The following FRMD5 variants were observed in gnomAD, a reference collection of about 807,000 sequenced individuals.
The protein encoded by FRMD5 is FERM domain-containing protein 5.
FRMD5 carries 20 observed loss-of-function variants against 69.0 expected under a neutral mutation model. That is an observed-to-expected ratio of 0.29 (90% confidence interval 0.20 to 0.42). FRMD5 has a LOEUF of 0.42. Ranked by LOEUF, FRMD5 falls within the 10% of genes least tolerant of loss-of-function variation. The probability of loss-of-function intolerance (pLI) is 1.00; values close to 1 mark genes in which losing one functional copy is unlikely to be tolerated. For synonymous variants in FRMD5, 271 were observed against 260.1 expected (o/e 1.04, Z -0.40); for missense variants, 595 against 708.6 (o/e 0.84, Z 1.82).
intron 1 of FRMD5, among the ~76,000 whole-genome samples, chr15:44,133,493 A>G (rs1247252432): frequency 6.9e-6 from 1 of 145,592 alleles, no homozygotes; most frequent in Non-Finnish European, 1.5e-5. Context: ...GGAGAATGGC[A>G]TGAACCTGGG....
At chr15:43,909,676 C>T (rs997075027) in intron 5 of FRMD5, among the ~76,000 whole-genome samples, 25 of 152,062 alleles carry the variant, frequency 1.6e-4, no homozygotes, top group African/African-American at 2.9e-4. Flanking sequence ...GACGGGGTTT[C>T]ACCATGTTGG....
intron 1 of FRMD5, among the ~76,000 whole-genome samples, chr15:44,011,124 G>A (rs1258717750): frequency 6.6e-6 from 1 of 151,780 alleles, no homozygotes; most frequent in Non-Finnish European, 1.5e-5. Context: ...AGGAAAGAAG[G>A]TTAGGGCCTT....
chr15:43,974,992 G>C (rs1056996185), intron 1 of FRMD5, among the ~76,000 whole-genome samples: 18 of 152,234 alleles, frequency 1.2e-4, no homozygotes. Flanking sequence ...GGCTACCTAA[G>C]CTCTGCCCAG....
intron 1 of FRMD5, among the ~76,000 whole-genome samples, chr15:44,033,257 G>C (rs1038295987): frequency 6.6e-6 from 1 of 152,092 alleles, no homozygotes; most frequent in Non-Finnish European, 1.5e-5. Flanking sequence ...AGGATGCGAG[G>C]AGAGAAAGGA....
Position 43,873,347 on chromosome 15 carries a change from A to G in FRMD5, c.*538T>C. On this transcript the variant is annotated 3_prime_UTR_variant, in exon 14 of 14. Coordinates refer to ENST00000417257, the MANE Select transcript of FRMD5 (RefSeq NM_032892.5). Reference sequence around the variant, plus strand: ...TTAAAAGTTCTGGCTGGCAAAAAAAACAAACAAAAAACTAAACAGTCCCCA... The same window carrying G: ...TTAAAAGTTCTGGCTGGCAAAAAAAGCAAACAAAAAACTAAACAGTCCCCA... 1 of 1,463,760 alleles carries G rather than the reference A, an allele frequency of 6.8e-7. No individual in the cohort carries two copies. Among genetic ancestry groups the G allele is most frequent in the Non-Finnish European group, 9.0e-7 (1 of 1,109,818 alleles). The allele number at this position is 1,463,760 out of a possible 1,614,324, so 90.7% of individuals were successfully genotyped here.
chr15:43,994,394 T>G (rs1253969065), intron 1 of FRMD5, among the ~76,000 whole-genome samples: 1 of 152,178 alleles, frequency 6.6e-6, no homozygotes, highest in African/African-American at 2.4e-5. Context: ...ACTATCAACA[T>G]TTACATCTTT....
chr15:44,094,617 T>C, intron 1 of FRMD5, among the ~76,000 whole-genome samples: 1 of 152,214 alleles, frequency 6.6e-6, no homozygotes, highest in Non-Finnish European at 1.5e-5. Flanking sequence ...TTATTTAACA[T>C]TTTCTTTTGA....
chr15:44,146,461 G>A (rs774964198), intron 1 of FRMD5, among the ~76,000 whole-genome samples: 3 of 152,098 alleles, frequency 2.0e-5, no homozygotes, highest in Admixed American at 6.5e-5. Context: ...GAACATACAT[G>A]TGCATGTATC....
At chr15:44,060,639 C>T (rs941403516) in intron 1 of FRMD5, among the ~76,000 whole-genome samples, 3 of 152,096 alleles carry the variant, frequency 2.0e-5, no homozygotes, top group African/African-American at 7.2e-5. Flanking sequence ...ATGGCTTAGG[C>T]ACTGATGACC....
chr15:43,874,591 CTA>C, intron 13 of FRMD5, 129 bp from the exon 14 acceptor site: 1 of 677,384 alleles, frequency 1.5e-6, no homozygotes, highest in Non-Finnish European at 2.6e-6. Flanking sequence ...CCACTGCACT[CTA>C]TTTTGATATA....
chr15:43,966,968 C>T (rs2090304237), intron 1 of FRMD5, among the ~76,000 whole-genome samples: 1 of 152,008 alleles, frequency 6.6e-6, no homozygotes, highest in Non-Finnish European at 1.5e-5. Context: ...AACAGAGAAA[C>T]AGAAGCAGAG....
At chr15:44,172,219 T>C (rs2077816958) in intron 1 of FRMD5, among the ~76,000 whole-genome samples, 1 of 151,478 alleles carries the variant, frequency 6.6e-6, no homozygotes, top group African/African-American at 2.4e-5. Flanking sequence ...GCCTCCTGAG[T>C]AGCTGGGACC....
At chr15:43,930,880 G>C (rs1406228173) in intron 1 of FRMD5, among the ~76,000 whole-genome samples, 2 of 152,202 alleles carry the variant, frequency 1.3e-5, no homozygotes, top group African/African-American at 2.4e-5. Context: ...TCATGGGAGG[G>C]AGGACTAAGT....
chr15:43,958,002 T>A (rs1453736027), intron 1 of FRMD5, among the ~76,000 whole-genome samples: 1 of 152,198 alleles, frequency 6.6e-6, no homozygotes, highest in Non-Finnish European at 1.5e-5. Flanking sequence ...ATGAACAACC[T>A]GAGGCTCAGA....
At chr15:43,877,994 A>G (rs1047557899) in intron 13 of FRMD5, among the ~76,000 whole-genome samples, 2 of 152,138 alleles carry the variant, frequency 1.3e-5, no homozygotes, top group African/African-American at 4.8e-5. Flanking sequence ...TCATTTTGTT[A>G]TAATTTTTTT....
chr15:44,189,967 T>C (rs943616441), intron 1 of FRMD5, among the ~76,000 whole-genome samples: 3 of 152,186 alleles, frequency 2.0e-5, no homozygotes, highest in African/African-American at 7.2e-5. Flanking sequence ...ATTTCCCAGC[T>C]GCATAAGAAA....
intron 12 of FRMD5, 30 bp downstream of exon 12, chr15:43,884,697 C>A: frequency 6.2e-7 from 1 of 1,600,864 alleles, no homozygotes; most frequent in Non-Finnish European, 8.6e-7. Context: ...TGAGCTACAA[C>A]TGTTTGGGGG....
At chr15:44,077,353 A>G (rs1488652547) in intron 1 of FRMD5, among the ~76,000 whole-genome samples, 1 of 152,156 alleles carries the variant, frequency 6.6e-6, no homozygotes, top group Non-Finnish European at 1.5e-5. Flanking sequence ...GTTTCTGAGA[A>G]AAATCATTAC....
intron 1 of FRMD5, among the ~76,000 whole-genome samples, chr15:44,013,705 C>T (rs1326461246): frequency 6.6e-6 from 1 of 152,190 alleles, no homozygotes; most frequent in East Asian, 1.9e-4. Context: ...ATGAGGACTT[C>T]TTTCCCAGCT....
Sources: allele counts gnomAD v4.1 joint callset (sites outside exome capture counted in the v4.1 genomes callset), GRCh38; gene constraint gnomAD v4.1.1; transcripts MANE v1.5; gene names NCBI Gene and HGNC (gene_info 2026-07-23, HGNC 2026-07-21).